NEXMIF: variants seen among roughly 807,000 people sequenced by gnomAD.
The protein encoded by NEXMIF is XLMR protein related to neurite extension.
In NEXMIF, 8 loss-of-function variants were observed where a neutral mutation model predicts 62.1. That is an observed-to-expected ratio of 0.13 (90% CI 0.08 to 0.23). NEXMIF has a LOEUF of 0.23. Among genes scored for constraint, NEXMIF ranks in the 10% least tolerant of loss-of-function variants. The probability of loss-of-function intolerance (pLI) is 1.00; values close to 1 mark genes in which losing one functional copy is unlikely to be tolerated. For synonymous variants in NEXMIF, 404 were observed against 416.6 expected, an observed-to-expected ratio of 0.97 and a Z score of 0.37; for missense variants, 976 against 1,113.3, an observed-to-expected ratio of 0.88 and a Z score of 1.75.
At chrX:74,918,896 T>C (rs1390890251) in intron 1 of NEXMIF, among the ~76,000 whole-genome samples, 1 of 112,337 alleles carries the variant, frequency 8.9e-6, no homozygotes, top group Non-Finnish European at 1.9e-5. Flanking sequence ...CTGGGAGGAA[T>C]GAGAGGTAGT....
At chrX:74,863,391 TAATG>T (rs1224754064) in intron 1 of NEXMIF, among the ~76,000 whole-genome samples, 2 of 110,995 alleles carry the variant, frequency 1.8e-5, no homozygotes, top group African/African-American at 3.3e-5. Context: ...CTAGCTAGAC[TAATG>T]AGAGAGAAGA....
intron 1 of NEXMIF, among the ~76,000 whole-genome samples, chrX:74,903,880 CGTGTGT>C (rs3222701): frequency 0.018 from 1,671 of 94,115 alleles, 19 homozygotes; most frequent in African/African-American, 0.043. Context: ...CAATTCTAAT[CGTGTGT>C]GTGTGTGTGT....
At chrX:74,803,525 G>T (rs1036357727) in intron 1 of NEXMIF, among the ~76,000 whole-genome samples, 1 of 110,487 alleles carries the variant, frequency 9.1e-6, no homozygotes, top group Non-Finnish European at 1.9e-5. Context: ...CAGAGATTGC[G>T]CCACTGCACT....
intron 1 of NEXMIF, among the ~76,000 whole-genome samples, chrX:74,771,578 G>A (rs1295030832): frequency 9.1e-6 from 1 of 110,450 alleles, no homozygotes; most frequent in East Asian, 2.8e-4. Flanking sequence ...TTTAAGTAGT[G>A]TTATCTTCTT....
chrX:74,844,608 C>T (rs1311608573), intron 1 of NEXMIF, among the ~76,000 whole-genome samples: 1 of 111,736 alleles, frequency 8.9e-6, no homozygotes, highest in African/African-American at 3.3e-5. Context: ...GAGGAGATTT[C>T]TAGTCCACAG....
intron 1 of NEXMIF, among the ~76,000 whole-genome samples, chrX:74,896,249 G>A (rs1045284583): frequency 8.9e-6 from 1 of 111,818 alleles, no homozygotes; most frequent in African/African-American, 3.3e-5. Context: ...AAGTTGAAAA[G>A]CTCTCAGCCC....
At chrX:74,853,597 G>A (rs891893113) in intron 1 of NEXMIF, among the ~76,000 whole-genome samples, 13 of 110,534 alleles carry the variant, frequency 1.2e-4, no homozygotes, top group African/African-American at 3.3e-4. Flanking sequence ...AGAAGAAATG[G>A]TTTGGGGACT....
intron 1 of NEXMIF, among the ~76,000 whole-genome samples, chrX:74,905,547 C>A (rs2080764848): frequency 8.9e-6 from 1 of 112,386 alleles, no homozygotes; most frequent in Admixed American, 9.4e-5. Context: ...CAGTGGCTCA[C>A]ACCTGTAATC....
chrX:74,781,236 G>A (rs1056229929), intron 1 of NEXMIF, among the ~76,000 whole-genome samples: 1 of 112,364 alleles, frequency 8.9e-6, no homozygotes, highest in African/African-American at 3.2e-5. Flanking sequence ...AATAGTAAGA[G>A]AATGTTAGCT....
chrX:74,753,800 A>T (rs1328919711), intron 1 of NEXMIF, among the ~76,000 whole-genome samples: 1 of 111,104 alleles, frequency 9.0e-6, no homozygotes, highest in Non-Finnish European at 1.9e-5. Flanking sequence ...TGGAAGCAGG[A>T]TGCAATATAA....
intron 1 of NEXMIF, among the ~76,000 whole-genome samples, chrX:74,894,361 C>A (rs1206945570): frequency 9.0e-6 from 1 of 111,046 alleles, no homozygotes; most frequent in Non-Finnish European, 1.9e-5. Flanking sequence ...CTGAAAAAGA[C>A]GGCATTACAA....
At chrX:74,888,962 C>T (rs1336249567) in intron 1 of NEXMIF, among the ~76,000 whole-genome samples, 1 of 111,772 alleles carries the variant, frequency 8.9e-6, no homozygotes, top group East Asian at 2.8e-4. Context: ...TTTATTGGTT[C>T]TTCCCTTAGT....
intron 1 of NEXMIF, among the ~76,000 whole-genome samples, chrX:74,814,869 T>C (rs1463453533): frequency 8.9e-6 from 1 of 111,980 alleles, no homozygotes; most frequent in Non-Finnish European, 1.9e-5. Context: ...TGGGACTAGC[T>C]TGGCAATATT....
chrX:74,831,764 C>T (rs992895558), intron 1 of NEXMIF, among the ~76,000 whole-genome samples: 1 of 111,760 alleles, frequency 8.9e-6, no homozygotes, highest in African/African-American at 3.3e-5. Context: ...TCATATATGG[C>T]TTTTATTTTA....
chrX:74,813,322 T>C (rs2080366143), intron 1 of NEXMIF, among the ~76,000 whole-genome samples: 1 of 110,910 alleles, frequency 9.0e-6, no homozygotes, highest in Non-Finnish European at 1.9e-5. Flanking sequence ...GATATACCTA[T>C]ATCCAATATT....
chrX:74,840,433 T>A (rs2080470292), intron 1 of NEXMIF, among the ~76,000 whole-genome samples: 1 of 111,524 alleles, frequency 9.0e-6, no homozygotes, highest in Admixed American at 9.5e-5. Context: ...CAGCTGCAGG[T>A]TGTTTCTTTA....
intron 1 of NEXMIF, among the ~76,000 whole-genome samples, chrX:74,853,915 G>A (rs186568161): frequency 3.2e-4 from 36 of 111,539 alleles, no homozygotes; most frequent in African/African-American, 9.4e-4. Flanking sequence ...GACTAATAAC[G>A]AATAATGAGA....
At chrX:74,888,284 T>TATA (rs771179661) in intron 1 of NEXMIF, among the ~76,000 whole-genome samples, 3 of 101,286 alleles carry the variant, frequency 3.0e-5, no homozygotes, top group African/African-American at 1.1e-4. Flanking sequence ...AAACTTAAAG[T>TATA]ATAATAATAA....
intron 1 of NEXMIF, among the ~76,000 whole-genome samples, chrX:74,768,125 T>C (rs1336938624): frequency 9.0e-6 from 1 of 110,548 alleles, no homozygotes; most frequent in Non-Finnish European, 1.9e-5. Flanking sequence ...CCTGGTGGAG[T>C]GGGTTCACTA....
Sources: allele counts gnomAD v4.1 joint callset (sites outside exome capture counted in the v4.1 genomes callset), GRCh38; gene constraint gnomAD v4.1.1; transcripts MANE v1.5; gene names NCBI Gene and HGNC (gene_info 2026-07-23, HGNC 2026-07-21).